CUBN: variants seen among roughly 807,000 people sequenced by gnomAD.
The protein encoded by CUBN is 460 kDa receptor.
In CUBN, 282 loss-of-function variants were observed where a neutral mutation model predicts 405.3. The ratio of observed to expected loss-of-function variants is 0.70; its 90% CI spans 0.63 to 0.77. The LOEUF (loss-of-function observed/expected upper bound fraction) is 0.77. Among genes scored for constraint, CUBN ranks in the 30% least tolerant of loss-of-function variants. The pLI is 0.00. For synonymous variants in CUBN, 1,684 were observed against 1,617.0 expected, an observed-to-expected ratio of 1.04 and a Z score of -0.99; for missense variants, 4,514 against 4,475.2, an observed-to-expected ratio of 1.01 and a Z score of -0.25.
At position 17,068,744 on chromosome 10, in the gene CUBN, A is replaced by G. The variant is rs371921283; in HGVS notation, c.2652T>C (p.Ser884=). 2 of 1,612,416 alleles carry G rather than the reference A, an allele frequency of 1.2e-6. No homozygotes were observed. The highest frequency in any genetic ancestry group is 4.5e-5 in the East Asian group (2 of 44,778). ...TACCGCAATACTTTTTATTTTCAGG[A>G]GAACCCAAAATGGAACTGCTACCAA... The part of the protein sequence containing the change: ...VEIGSSSILG[S]PENKKYCGTD... Residue 884 remains serine (S), a synonymous_variant, in exon 20 of 67, where the codon TCT becomes TCC. Coordinates refer to ENST00000377833, the MANE Select transcript of CUBN (RefSeq NM_001081.4).
chr10:17,126,516 T>G (rs1564525648), intron 4 of CUBN, among the ~76,000 whole-genome samples: 1 of 152,182 alleles, frequency 6.6e-6, no homozygotes, highest in African/African-American at 2.4e-5. Context: ...GGCTGTGGGC[T>G]GCAAACTCAG....
intron 56 of CUBN, 78 bp from the exon 57 acceptor site, chr10:16,877,175 T>C: frequency 8.2e-7 from 1 of 1,219,264 alleles, no homozygotes. Context: ...AAAACAAAAA[T>C]GTGATGATGA....
At chr10:16,892,765 A>G (rs1171365568) in intron 54 of CUBN, among the ~76,000 whole-genome samples, 1 of 152,158 alleles carries the variant, frequency 6.6e-6, no homozygotes, top group Admixed American at 6.5e-5. Context: ...AAGTGCTGGG[A>G]TTACAGGCAT....
At chr10:17,015,991 C>T (rs182356940) in intron 28 of CUBN, among the ~76,000 whole-genome samples, 44 of 152,110 alleles carry the variant, frequency 2.9e-4, no homozygotes, top group African/African-American at 4.6e-4. Flanking sequence ...TATAGAACAC[C>T]GAGGTTACCA....
intron 34 of CUBN, among the ~76,000 whole-genome samples, 194 bp from the exon 35 acceptor site, chr10:16,948,800 T>C (rs1842850661): frequency 1.3e-5 from 2 of 152,106 alleles, no homozygotes; most frequent in African/African-American, 4.8e-5. Flanking sequence ...ATATAGGAGC[T>C]ATATATAGGA....
chr10:17,084,217 A>G, intron 17 of CUBN, 54 bp downstream of exon 17: 1 of 1,566,996 alleles, frequency 6.4e-7, no homozygotes, highest in Non-Finnish European at 8.8e-7. Context: ...CACTCTGCAG[A>G]ATATAAAAAT....
At chr10:17,062,103 G>A (rs899363750) in intron 22 of CUBN, among the ~76,000 whole-genome samples, 3 of 152,080 alleles carry the variant, frequency 2.0e-5, no homozygotes, top group South Asian at 2.1e-4. Context: ...CTCATGAAGC[G>A]GCACCTTACT....
chr10:17,044,961 G>T, intron 25 of CUBN, 46 bp downstream of exon 25: 1 of 1,554,442 alleles, frequency 6.4e-7, no homozygotes, highest in Non-Finnish European at 8.9e-7. Flanking sequence ...TTGTGCGTTG[G>T]GTGAGATGGG....
At chr10:17,033,218 C>T (rs905256494) in intron 27 of CUBN, among the ~76,000 whole-genome samples, 2 of 152,308 alleles carry the variant, frequency 1.3e-5, no homozygotes, top group African/African-American at 4.8e-5. Context: ...CCTCACACTG[C>T]TCTCCTTCCA....
Position 17,119,078 on chromosome 10 carries a change from T to C in CUBN, c.594-3481A>G, listed in dbSNP as rs140559022. On this transcript the variant is annotated intron_variant, in intron 6 of 66. Transcript: ENST00000377833. ...ACTTGTGTTAGAGTCCATGGTTCAA[T>C]ACTAATTTTACTGACTGAGTGAAAA... 4.6e-3 allele frequency among the ~76,000 whole-genome samples: 696 copies of C among 152,326 alleles called. 3 individuals carry two copies. The highest frequency in any genetic ancestry group is 0.016 in the African/African-American group (666 of 41,574).
At chr10:17,026,739 G>A (rs1424575127) in intron 27 of CUBN, among the ~76,000 whole-genome samples, 1 of 152,182 alleles carries the variant, frequency 6.6e-6, no homozygotes, top group African/African-American at 2.4e-5. Flanking sequence ...AATCATGGTG[G>A]ATAAATGAGG....
chr10:17,109,812 A>G, intron 9 of CUBN, 77 bp from the exon 10 acceptor site: 1 of 1,128,602 alleles, frequency 8.9e-7, no homozygotes. Context: ...GGATTCAAAT[A>G]TCATGAAATG....
At chr10:17,122,591 C>T (rs987035100) in intron 6 of CUBN, 16 of 623,164 alleles carry the variant, frequency 2.6e-5, no homozygotes, top group East Asian at 1.4e-4. Flanking sequence ...GATTTCTTCA[C>T]GGGGTGAGAG....
chr10:16,870,735 C>T (rs1450598118), intron 58 of CUBN, among the ~76,000 whole-genome samples: 1 of 152,172 alleles, frequency 6.6e-6, no homozygotes, highest in Non-Finnish European at 1.5e-5. Flanking sequence ...ATGCTCATTA[C>T]AATGAGAAAT....
chr10:16,872,393 A>T (rs1588608282), intron 58 of CUBN, among the ~76,000 whole-genome samples: 1 of 150,698 alleles, frequency 6.6e-6, no homozygotes, highest in Non-Finnish European at 1.5e-5. Context: ...GAGAGAATAT[A>T]TAACATACCT....
chr10:17,093,186 A>C (rs973372831), intron 14 of CUBN, among the ~76,000 whole-genome samples: 2 of 152,184 alleles, frequency 1.3e-5, no homozygotes, highest in East Asian at 1.9e-4. Flanking sequence ...AAGCAGCTGC[A>C]TGGAAATGGC....
At chr10:17,032,139 G>T (rs923288600) in intron 27 of CUBN, among the ~76,000 whole-genome samples, 1 of 152,186 alleles carries the variant, frequency 6.6e-6, no homozygotes, top group African/African-American at 2.4e-5. Context: ...TGCAAGAGAT[G>T]GAGGTCAGCT....
chr10:16,851,416 A>G lies in CUBN; in HGVS notation c.9482T>C (p.Leu3161Pro). Residue 3161 changes from leucine to proline, a missense_variant, in exon 60 of 67, where the codon CTG becomes CCG. This residue lies in a region of CUBN where 1,186 missense variants were observed against 1,186.9 expected (regional missense o/e 1.00). Coordinates refer to ENST00000377833, the MANE Select transcript of CUBN (RefSeq NM_001081.4). ...GGCAAAGGTATTATTCGAGCCTGTC[A>G]GATAACCACCACATCCTTGCTGAGG... is the stretch of plus-strand genomic sequence containing the variant. ...LGPQQGCGGY[L>P]TGSNNTFASP... 1 of 1,614,188 alleles carries G rather than the reference A, an allele frequency of 6.2e-7. No individual in the cohort carries two copies. Among genetic ancestry groups the G allele is most frequent in the East Asian group, 2.2e-5 (1 of 44,882 alleles).
chr10:16,919,241 T>C (rs1201245707), intron 44 of CUBN, among the ~76,000 whole-genome samples: 1 of 152,182 alleles, frequency 6.6e-6, no homozygotes, highest in East Asian at 1.9e-4. Flanking sequence ...TCCATAAAAG[T>C]AGATAAGCAT....
Sources: gnomAD v4.1 joint callset for allele counts (sites outside exome capture counted in the v4.1 genomes callset) on GRCh38, gnomAD v4.1.1 for gene constraint, gnomAD v4.1.1 regional missense constraint, MANE v1.5 for transcripts, NCBI Gene and HGNC (gene_info 2026-07-23, HGNC 2026-07-21) for gene names.